Variants in MORN3 observed in about 807,000 individuals in gnomAD.
The protein encoded by MORN3 is MORN repeat containing 3.
Under a neutral mutation model 34.7 loss-of-function variants are expected in MORN3, and 38 were observed. That is an observed-to-expected ratio of 1.10 (90% CI 0.85 to 1.44). The LOEUF (loss-of-function observed/expected upper bound fraction) is 1.44, where lower values mean the gene tolerates loss of function less well. MORN3 is among the 40% of genes most tolerant of loss of function. MORN3 has a pLI of 0.00. For synonymous variants in MORN3, 109 were observed against 115.3 expected (o/e 0.95, Z 0.35); for missense variants, 311 against 321.7 (o/e 0.97, Z 0.25).
At position 121,659,194 on chromosome 12, in the gene MORN3, TTTC is replaced by T. The variant is rs768070756; in HGVS notation, c.297_299del (p.Lys100del). On this transcript the variant is annotated inframe_deletion, in exon 2 of 6. Transcript: ENST00000355329. ...CCCGGCTGGCAGGCCTGCTCACCGA[TTTC>T]TTATCACCTTTCCACCAGCCTGAGT... 1.9e-6 allele frequency: 3 copies of T among 1,610,514 alleles called. No homozygotes were observed. Among genetic ancestry groups the T allele is most frequent in the South Asian group, 1.1e-5 (1 of 91,012 alleles).
At chr12:121,652,703 C>G in intron 5 of MORN3, 25 bp downstream of exon 5, 1 of 1,609,654 alleles carries the variant, frequency 6.2e-7, no homozygotes, top group Non-Finnish European at 8.5e-7. Context: ...CACATCAGAA[C>G]TTGGCAGGTG....
chr12:121,654,569 C>T (rs1893360743), intron 2 of MORN3, 136 bp from the exon 3 acceptor site: 1 of 908,436 alleles, frequency 1.1e-6, no homozygotes, highest in Non-Finnish European at 1.6e-6. Flanking sequence ...AGCGGAGGGT[C>T]GTGTCTTAGC....
intron 2 of MORN3, among the ~76,000 whole-genome samples, chr12:121,658,247 G>T (rs1484703849): frequency 6.6e-6 from 1 of 152,156 alleles, no homozygotes; most frequent in African/African-American, 2.4e-5. Context: ...ATGATGAGCT[G>T]TTGCTGTGAG....
chr12:121,649,838 A>G lies in MORN3; in HGVS notation c.*1813T>C, dbSNP rs1893208140. On this transcript the variant is annotated 3_prime_UTR_variant, in exon 6 of 6. Transcript: ENST00000355329. The stretch of plus-strand genomic sequence containing the variant: ...ATTCTCCTGCCTCAGCCTCCCAAGT[A>G]GTTGGGATTACAGGTGCTGAATTCT... 1 of 143,350 alleles carries G rather than the reference A, an allele frequency of 7.0e-6. No individual in the cohort carries two copies. The highest frequency in any genetic ancestry group is 1.5e-5 in the Non-Finnish European group (1 of 66,286). The allele number at this position is 143,350 out of a possible 1,614,324, so 8.9% of individuals were successfully genotyped here.
At chr12:121,654,185 G>C in intron 3 of MORN3, 89 bp downstream of exon 3, 1 of 1,094,148 alleles carries the variant, frequency 9.1e-7, no homozygotes. Context: ...GTGGGGTGTG[G>C]CCTGTCTCTG....
chr12:121,653,004 G>A, intron 4 of MORN3, 71 bp downstream of exon 4: 2 of 1,510,734 alleles, frequency 1.3e-6, no homozygotes, highest in Non-Finnish European at 1.8e-6. Context: ...ATCTGGCCTG[G>A]GCATGGCTGG....
chr12:121,666,677 C>T (rs1276268870), intron 1 of MORN3, among the ~76,000 whole-genome samples: 6 of 152,066 alleles, frequency 3.9e-5, no homozygotes, highest in South Asian at 2.1e-4. Flanking sequence ...AGGATGGCTC[C>T]ATTCCTGCCT....
chr12:121,654,433 C>T lies in MORN3; in HGVS notation c.304G>A (p.Gly102Ser). ...GGTCCGAAAAACTGGATCCCATAAC[C>T]CTGAAAGTACGAAGATGCTACTACT... ...SGWWKGDKKS[G>S]YGIQFFGPKE... is the part of the protein sequence containing the mutation. The change falls in exon 3 of 6, where the codon GGT becomes AGT. Residue 102 changes from glycine to serine, a missense_variant and splice_region_variant. Physicochemically the swap from Gly to Ser is moderately conservative, Grantham distance 56 (BLOSUM62 0). Coordinates refer to ENST00000355329, the MANE Select transcript of MORN3 (RefSeq NM_173855.5). The T allele has an allele frequency of 1.3e-6, 2 of 1,585,362 alleles. No homozygotes were observed. Among genetic ancestry groups the T allele is most frequent in the Non-Finnish European group, 8.6e-7 (1 of 1,165,444 alleles).
At chr12:121,657,191 C>T (rs59776246) in intron 2 of MORN3, among the ~76,000 whole-genome samples, 1 of 152,156 alleles carries the variant, frequency 6.6e-6, no homozygotes, top group Non-Finnish European at 1.5e-5. Flanking sequence ...AGCCCTTTCC[C>T]GAAGACCTCC....
At chr12:121,659,441 G>T in intron 1 of MORN3, 93 bp from the exon 2 acceptor site, 3 of 1,308,952 alleles carry the variant, frequency 2.3e-6, no homozygotes, top group Non-Finnish European at 3.2e-6. Context: ...CCAACTAGAC[G>T]AATCTAGAGA....
chr12:121,672,001 T>C (rs1205733195), upstream of MORN3, among the ~76,000 whole-genome samples: 1 of 152,208 alleles, frequency 6.6e-6, no homozygotes, highest in Non-Finnish European at 1.5e-5. Flanking sequence ...AACTTTCTTA[T>C]GATGTCATTG....
chr12:121,653,001 C>G, intron 4 of MORN3, 74 bp downstream of exon 4: 1 of 1,506,874 alleles, frequency 6.6e-7, no homozygotes, highest in Non-Finnish European at 9.0e-7. Flanking sequence ...CAGATCTGGC[C>G]TGGGCATGGC....
At chr12:121,654,218 G>A in intron 3 of MORN3, 56 bp downstream of exon 3, 1 of 1,442,158 alleles carries the variant, frequency 6.9e-7, no homozygotes, top group Non-Finnish European at 9.3e-7. Context: ...GGCGTGGCCA[G>A]CTCGCTGCCG....
At chr12:121,662,294 C>T (rs1159423463) in intron 1 of MORN3, among the ~76,000 whole-genome samples, 1 of 152,062 alleles carries the variant, frequency 6.6e-6, no homozygotes, top group African/African-American at 2.4e-5. Context: ...TGGTTAAGCC[C>T]TGTCTCTACT....
intron 1 of MORN3, among the ~76,000 whole-genome samples, chr12:121,665,070 G>C (rs536811465): frequency 1.3e-5 from 2 of 151,682 alleles, no homozygotes; most frequent in East Asian, 3.9e-4. Context: ...GTTGGATTAC[G>C]TGCTCATTTC....
At chr12:121,659,107 T>C in intron 2 of MORN3, 84 bp downstream of exon 2, 2 of 1,526,680 alleles carry the variant, frequency 1.3e-6, no homozygotes, top group South Asian at 1.2e-5. Context: ...CTCCCAGGCC[T>C]CTCTCGGCTT....
At chr12:121,656,472 C>T (rs1893419851) in intron 2 of MORN3, among the ~76,000 whole-genome samples, 1 of 151,984 alleles carries the variant, frequency 6.6e-6, no homozygotes. Flanking sequence ...TACAGATGTG[C>T]ACCACAACAT....
intron 2 of MORN3, among the ~76,000 whole-genome samples, chr12:121,658,986 C>T (rs1032053477): frequency 6.6e-6 from 1 of 152,148 alleles, no homozygotes; most frequent in African/African-American, 2.4e-5. Flanking sequence ...CCTTCTGTTG[C>T]TTCCTGTTTC....
At chr12:121,659,417 A>G in intron 1 of MORN3, 69 bp from the exon 2 acceptor site, 2 of 1,573,080 alleles carry the variant, frequency 1.3e-6, no homozygotes, top group Non-Finnish European at 1.7e-6. Context: ...TGCCTGCCTG[A>G]GCCTCAGGGG....
Sources: gnomAD v4.1 joint callset for allele counts (sites outside exome capture counted in the v4.1 genomes callset) on GRCh38, gnomAD v4.1.1 for gene constraint, MANE v1.5 for transcripts, NCBI Gene and HGNC (gene_info 2026-07-23, HGNC 2026-07-21) for gene names.